Variants in ROBO2 observed in about 807,000 individuals in gnomAD.
ROBO2 encodes roundabout guidance receptor 2, also known as roundabout homolog 2.
Under a neutral mutation model 160.8 loss-of-function variants are expected in ROBO2, and 53 were observed. The ratio of observed to expected loss-of-function variants is 0.33; its 90% CI spans 0.26 to 0.41. The LOEUF (loss-of-function observed/expected upper bound fraction) is 0.41. Among genes scored for constraint, ROBO2 ranks in the 10% least tolerant of loss-of-function variants. ROBO2 has a pLI of 1.00. For missense variants in ROBO2, 1,577 were observed against 1,722.4 expected (o/e 0.92, Z 1.49); for synonymous variants, 664 against 611.7 (o/e 1.09, Z -1.26).
chr3:77,321,538 AAAAAG>A (rs1011436333), intron 2 of ROBO2, among the ~76,000 whole-genome samples: 1 of 152,150 alleles, frequency 6.6e-6, no homozygotes, highest in African/African-American at 2.4e-5. Flanking sequence ...GAAAAAAAGA[AAAAAG>A]AAAAGTTTGA....
At chr3:77,295,328 A>G (rs2061937545) in intron 2 of ROBO2, among the ~76,000 whole-genome samples, 1 of 150,628 alleles carries the variant, frequency 6.6e-6, no homozygotes, top group African/African-American at 2.5e-5. Context: ...GGGTAAGCTG[A>G]GGCTAGATCA....
intron 2 of ROBO2, among the ~76,000 whole-genome samples, chr3:76,819,115 C>A (rs72898153): frequency 6.7e-4 from 102 of 152,080 alleles, no homozygotes; most frequent in African/African-American, 2.4e-3. Flanking sequence ...AGATTTAGGG[C>A]AAAATTAGAT....
At chr3:77,273,664 C>A (rs2059644208) in intron 2 of ROBO2, among the ~76,000 whole-genome samples, 1 of 152,024 alleles carries the variant, frequency 6.6e-6, no homozygotes, top group Non-Finnish European at 1.5e-5. Flanking sequence ...AAACATTATG[C>A]TAAATAAAAG....
chr3:77,467,587 GTATC>G (rs59640984), intron 2 of ROBO2, among the ~76,000 whole-genome samples: 38,784 of 148,046 alleles, frequency 0.26, 5,421 homozygotes, highest in African/African-American at 0.37. Context: ...CTATCTGTCT[GTATC>G]TATCTATCTA....
chr3:76,402,972 T>C (rs1158005188), intron 2 of ROBO2, among the ~76,000 whole-genome samples: 1 of 151,636 alleles, frequency 6.6e-6, no homozygotes, highest in Non-Finnish European at 1.5e-5. Flanking sequence ...TGACAGAATC[T>C]GACAGTTTTG....
chr3:77,350,550 C>T (rs115869735), intron 2 of ROBO2, among the ~76,000 whole-genome samples: 200 of 152,226 alleles, frequency 1.3e-3, no homozygotes, highest in South Asian at 4.1e-3. Flanking sequence ...CAAAAGCAGG[C>T]TCTGAAGGAG....
At chr3:76,730,336 C>T (rs2093618880) in intron 2 of ROBO2, among the ~76,000 whole-genome samples, 1 of 77,120 alleles carries the variant, frequency 1.3e-5, no homozygotes, top group African/African-American at 9.0e-5. Flanking sequence ...TACTCCCTAC[C>T]CACCTCTCCT....
intron 2 of ROBO2, among the ~76,000 whole-genome samples, chr3:77,320,421 C>T (rs2064544162): frequency 6.6e-6 from 1 of 152,082 alleles, no homozygotes; most frequent in Non-Finnish European, 1.5e-5. Context: ...TAAGATTGCA[C>T]TTTGGCGCTG....
chr3:76,681,376 C>T (rs2092557699), intron 2 of ROBO2, among the ~76,000 whole-genome samples: 1 of 152,146 alleles, frequency 6.6e-6, no homozygotes, highest in South Asian at 2.1e-4. Flanking sequence ...ATTCTAAGCA[C>T]TTTGCATTCA....
intron 2 of ROBO2, among the ~76,000 whole-genome samples, chr3:76,063,630 G>A (rs760868539): frequency 6.6e-6 from 1 of 151,906 alleles, no homozygotes; most frequent in South Asian, 2.1e-4. Context: ...ACAGGCATAA[G>A]CCACTGTACC....
intron 2 of ROBO2, among the ~76,000 whole-genome samples, chr3:76,320,363 A>G (rs916839626): frequency 7.9e-5 from 12 of 152,164 alleles, no homozygotes; most frequent in African/African-American, 2.7e-4. Flanking sequence ...AGTATTGTCA[A>G]TTTACAGCTC....
chr3:77,410,504 T>TTCCTCCTCTTCCTCC (rs1560756755), intron 2 of ROBO2, among the ~76,000 whole-genome samples: 17 of 112,782 alleles, frequency 1.5e-4, no homozygotes, highest in East Asian at 9.2e-4. Context: ...CCTCCTCCTC[T>TTCCTCCTCTTCCTCC]TCCTCCTCTT....
chr3:77,284,823 A>G (rs1226401166), intron 2 of ROBO2, among the ~76,000 whole-genome samples: 1 of 152,168 alleles, frequency 6.6e-6, no homozygotes, highest in Non-Finnish European at 1.5e-5. Context: ...TTAAATTAGA[A>G]ATATGAAGTA....
intron 2 of ROBO2, among the ~76,000 whole-genome samples, chr3:77,352,200 A>T (rs1190266508): frequency 6.6e-6 from 1 of 151,760 alleles, no homozygotes; most frequent in African/African-American, 2.4e-5. Flanking sequence ...ACAGAAACAC[A>T]TAATGAATGA....
intron 2 of ROBO2, among the ~76,000 whole-genome samples, chr3:77,229,959 G>A (rs1338701289): frequency 6.6e-6 from 1 of 152,154 alleles, no homozygotes; most frequent in East Asian, 1.9e-4. Flanking sequence ...AGGCTTGATG[G>A]TGAAAGTATA....
At chr3:77,444,751 T>C (rs1164037432) in intron 2 of ROBO2, among the ~76,000 whole-genome samples, 1 of 152,168 alleles carries the variant, frequency 6.6e-6, no homozygotes, top group East Asian at 1.9e-4. Context: ...CATCTGTTTA[T>C]CCCAGGCTTT....
At chr3:76,163,608 C>T (rs1005997090) in intron 2 of ROBO2, among the ~76,000 whole-genome samples, 9 of 150,270 alleles carry the variant, frequency 6.0e-5, no homozygotes, top group South Asian at 2.1e-4. Flanking sequence ...TGGTTTCAGA[C>T]GACTATAATA....
intron 1 of ROBO2, among the ~76,000 whole-genome samples, chr3:75,911,836 G>A (rs529468541): frequency 6.6e-5 from 10 of 152,130 alleles, no homozygotes; most frequent in African/African-American, 2.2e-4. Flanking sequence ...GATTACAGGC[G>A]TGAGCCACCG....
chr3:76,654,804 G>A (rs1356598246), intron 2 of ROBO2, among the ~76,000 whole-genome samples: 2 of 150,864 alleles, frequency 1.3e-5, no homozygotes, highest in East Asian at 1.9e-4. Flanking sequence ...TGAAAATAAA[G>A]ACACAAATTC....
Sources: allele counts gnomAD v4.1 joint callset (sites outside exome capture counted in the v4.1 genomes callset), GRCh38; gene constraint gnomAD v4.1.1; transcripts MANE v1.5; gene names NCBI Gene and HGNC (gene_info 2026-07-23, HGNC 2026-07-21).